The following MEI4 variants were observed in gnomAD, a reference collection of about 807,000 sequenced individuals.
MEI4 encodes meiotic double-stranded break formation protein 4.
Under a neutral mutation model 31.4 loss-of-function variants are expected in MEI4, and 27 were observed. That is an observed-to-expected ratio of 0.86 (90% CI 0.63 to 1.19). The LOEUF is 1.19. Among genes scored for constraint, MEI4 ranks in the 50% most tolerant of loss-of-function variants. The pLI, the probability that MEI4 is intolerant of heterozygous loss-of-function variation, is 0.00. For missense variants in MEI4, 329 were observed against 398.9 expected (o/e 0.82, Z 1.49); for synonymous variants, 122 against 145.4 (o/e 0.84, Z 1.16).
rs568289112 is a variant in MEI4 at position 77,735,654 on chromosome 6, C to T, written c.233-25476C>T. ...TAGCTTGTCAAAGTCATTCTCTGTC[C>T]AGCTTTGTTCCATTGCTGGTGAGGA... On this transcript the variant is annotated intron_variant, in intron 2 of 4. Coordinates refer to ENST00000684080, the MANE Select transcript of MEI4 (RefSeq NM_001322247.2). 3.0e-4 allele frequency among the ~76,000 whole-genome samples: 45 copies of T among 152,178 alleles called. 1 individual carries two copies. In the South Asian group the frequency reaches 7.9e-3, roughly 27 times the overall value.
intron 3 of MEI4, among the ~76,000 whole-genome samples, chr6:77,818,015 A>G (rs1352814631): frequency 6.6e-6 from 1 of 152,178 alleles, no homozygotes; most frequent in African/African-American, 2.4e-5. Context: ...GTGTATGCAA[A>G]CCTACCAATT....
At chr6:77,732,242 G>A (rs1767023362) in intron 2 of MEI4, among the ~76,000 whole-genome samples, 1 of 151,858 alleles carries the variant, frequency 6.6e-6, no homozygotes, top group Admixed American at 6.6e-5. Context: ...TCACGATATT[G>A]ATTCTTTCTA....
chr6:77,792,064 T>G (rs1028197252), intron 3 of MEI4, among the ~76,000 whole-genome samples: 5 of 152,198 alleles, frequency 3.3e-5, no homozygotes, highest in African/African-American at 1.2e-4. Flanking sequence ...TGTGCCTTGG[T>G]TATTTCACCT....
intron 2 of MEI4, among the ~76,000 whole-genome samples, chr6:77,728,831 C>T (rs915882129): frequency 2.0e-5 from 3 of 152,110 alleles, no homozygotes; most frequent in Non-Finnish European, 4.4e-5. Flanking sequence ...AACACCTGTT[C>T]CAGTGGGTAG....
intron 2 of MEI4, among the ~76,000 whole-genome samples, chr6:77,708,841 T>C (rs1484287349): frequency 1.3e-5 from 2 of 152,194 alleles, no homozygotes; most frequent in Non-Finnish European, 2.9e-5. Flanking sequence ...ATAAAGTTCC[T>C]GAGGCCCTCA....
rs150784726 is a variant in MEI4, at chr6:77,766,517, C to T, written c.768+4852C>T. 1.4e-3 allele frequency among the ~76,000 whole-genome samples: 213 copies of T among 152,200 alleles called. 1 individual carries two copies. The highest frequency in any genetic ancestry group is 4.5e-3 in the African/African-American group (187 of 41,530). On this transcript the variant is annotated intron_variant, in intron 3 of 4. Coordinates refer to ENST00000684080, the MANE Select transcript of MEI4 (RefSeq NM_001322247.2). ...CAAGCTCTGCCTCCTGGGTTCACGC[C>T]ATTCTCCTGCCTCAGCCTTCTGAGT...
At chr6:77,859,112 G>A (rs1485737833) in intron 4 of MEI4, among the ~76,000 whole-genome samples, 1 of 152,114 alleles carries the variant, frequency 6.6e-6, no homozygotes. Flanking sequence ...TAGAGAACAT[G>A]CGGTGTTTGG....
At chr6:77,738,572 T>C (rs1767315189) in intron 2 of MEI4, among the ~76,000 whole-genome samples, 1 of 152,144 alleles carries the variant, frequency 6.6e-6, no homozygotes, top group South Asian at 2.1e-4. Context: ...TGTGTCTTTA[T>C]AGTAGAATGA....
In MEI4 at chr6:77,847,186, G is replaced by C. The variant is rs991175063; in HGVS notation, c.900+18124G>C. 1.3e-5 allele frequency among the ~76,000 whole-genome samples: 2 copies of C among 152,096 alleles called. No homozygotes were observed. Among genetic ancestry groups the C allele is most frequent in the African/African-American group, 4.8e-5 (2 of 41,416 alleles). On this transcript the variant is annotated intron_variant, in intron 4 of 4. Coordinates refer to ENST00000684080, the MANE Select transcript of MEI4 (RefSeq NM_001322247.2). The surrounding 1 kb of genome is among the most constrained non-coding windows in gnomAD (Gnocchi z 4.6). ...GTACTTTCTCTCAATGTTCTGAAAT[G>C]GTGTGTATGGAGCCAGTATATACAG...
intron 2 of MEI4, among the ~76,000 whole-genome samples, chr6:77,694,920 A>T (rs1426296379): frequency 6.6e-6 from 1 of 150,530 alleles, no homozygotes; most frequent in Non-Finnish European, 1.5e-5. Context: ...CCTCTCCAGC[A>T]CCTGTTGTTT....
intron 4 of MEI4, among the ~76,000 whole-genome samples, chr6:77,883,744 A>ATATATATATATATATATATATAT (rs1491236242): frequency 4.4e-4 from 55 of 124,924 alleles, no homozygotes; most frequent in South Asian, 1.4e-3. Context: ...ATATATATAT[A>ATATATATATATATATATATATAT]ACTTTGTCTT....
At chr6:77,747,277 A>C (rs1379782239) in intron 2 of MEI4, among the ~76,000 whole-genome samples, 1 of 152,146 alleles carries the variant, frequency 6.6e-6, no homozygotes, top group African/African-American at 2.4e-5. Context: ...GTGCCACTGC[A>C]CTTCAGCCTA....
At chr6:77,884,110 G>A (rs1358442212) in intron 4 of MEI4, among the ~76,000 whole-genome samples, 2 of 151,872 alleles carry the variant, frequency 1.3e-5, no homozygotes, top group African/African-American at 4.8e-5. Flanking sequence ...TATGACTAAT[G>A]ATGTTGCATA....
chr6:77,790,750 ATTT>A (rs950463032), intron 3 of MEI4, among the ~76,000 whole-genome samples: 6 of 152,118 alleles, frequency 3.9e-5, no homozygotes, highest in Non-Finnish European at 8.8e-5. Flanking sequence ...AATATATTTA[ATTT>A]TTAAGTCAAC....
At chr6:77,863,059 C>G (rs1038861874) in intron 4 of MEI4, among the ~76,000 whole-genome samples, 22 of 151,340 alleles carry the variant, frequency 1.5e-4, no homozygotes, top group African/African-American at 5.1e-4. Flanking sequence ...GACATCCACA[C>G]CAAAACCCCA....
chr6:77,736,477 CTCGCCCTGCT>C (rs1357017113), intron 2 of MEI4, among the ~76,000 whole-genome samples: 1 of 152,078 alleles, frequency 6.6e-6, no homozygotes, highest in Non-Finnish European at 1.5e-5. Flanking sequence ...GAGGCAATGC[CTCGCCCTGCT>C]TCGGCTTGCG....
intron 2 of MEI4, among the ~76,000 whole-genome samples, chr6:77,747,589 T>C (rs1767649448): frequency 6.6e-6 from 1 of 152,158 alleles, no homozygotes; most frequent in Non-Finnish European, 1.5e-5. Context: ...AGTCATCTTC[T>C]GCCAGGTCCC....
chr6:77,699,865 G>T (rs1411675209), intron 2 of MEI4, among the ~76,000 whole-genome samples: 1 of 151,796 alleles, frequency 6.6e-6, no homozygotes, highest in African/African-American at 2.4e-5. Flanking sequence ...GTTTACCTGG[G>T]TGTCAGCAGC....
At chr6:77,766,755 C>T (rs1768187610) in intron 3 of MEI4, among the ~76,000 whole-genome samples, 1 of 151,864 alleles carries the variant, frequency 6.6e-6, no homozygotes. Context: ...TGTTTTTTTT[C>T]TAGTATGTAT....
Sources: gnomAD v4.1 joint callset for allele counts (sites outside exome capture counted in the v4.1 genomes callset) on GRCh38, gnomAD v4.1.1 for gene constraint, Gnocchi (gnomAD v3.1) non-coding constraint, MANE v1.5 for transcripts, NCBI Gene and HGNC (gene_info 2026-07-23, HGNC 2026-07-21) for gene names.